The following SGIP1 variants were observed in gnomAD, a reference collection of about 807,000 sequenced individuals.
SGIP1 encodes the protein SH3-containing GRB2-like protein 3-interacting protein 1.
SGIP1 carries 38 observed loss-of-function variants against 107.5 expected under a neutral mutation model. The ratio of observed to expected loss-of-function variants is 0.35; its 90% CI spans 0.27 to 0.46. SGIP1 has a LOEUF of 0.46. Among genes scored for constraint, SGIP1 ranks in the 20% least tolerant of loss-of-function variants. SGIP1 has a pLI of 1.00. For missense variants in SGIP1, 929 were observed against 1,019.5 expected (o/e 0.91, Z 1.21); for synonymous variants, 365 against 366.1 (o/e 1.00, Z 0.03).
chr1:66,662,772 C>T (rs1481139124), intron 8 of SGIP1, among the ~76,000 whole-genome samples: 4 of 152,018 alleles, frequency 2.6e-5, no homozygotes, highest in African/African-American at 4.8e-5. Flanking sequence ...AAATGTTTTC[C>T]GCATTGGAAG....
Position 66,747,386 on chromosome 1 carries a change from A to AT in SGIP1, c.*4298dup, listed in dbSNP as rs201622821. The AT allele has an allele frequency of 2.0e-5, 3 of 152,008 alleles. No homozygotes were observed. Among genetic ancestry groups the AT allele is most frequent in the East Asian group, 1.9e-4 (1 of 5,180 alleles). The allele number at this position is 152,008 out of a possible 1,614,324, so 9.4% of individuals were successfully genotyped here. A position where few individuals can be genotyped will look rare whatever the true frequency, so the allele number is the denominator to read the frequency against. ...ACTTAATTTCCTCCAATCTTAAAAA[A>AT]TTTTTTTCCCTAGGAAAATCCCTAT... On this transcript the variant is annotated 3_prime_UTR_variant, in exon 25 of 25. Transcript: ENST00000371037.
chr1:66,543,704 G>A (rs1291443873), intron 1 of SGIP1, among the ~76,000 whole-genome samples: 3 of 152,138 alleles, frequency 2.0e-5, no homozygotes. Flanking sequence ...GGGGGGAAGG[G>A]CCAGGACTTG....
At chr1:66,558,500 A>G (rs138376964) in intron 1 of SGIP1, among the ~76,000 whole-genome samples, 6 of 152,104 alleles carry the variant, frequency 3.9e-5, no homozygotes, top group Admixed American at 3.9e-4. Flanking sequence ...TACTGAAAGT[A>G]TATAATACTA....
chr1:66,691,937 G>A (rs1428972039), intron 17 of SGIP1, among the ~76,000 whole-genome samples: 8 of 152,140 alleles, frequency 5.3e-5, no homozygotes. Context: ...GAGGCGGGCA[G>A]ATCACAAGGT....
At chr1:66,623,949 C>T (rs1399082617) in intron 1 of SGIP1, among the ~76,000 whole-genome samples, 1 of 152,174 alleles carries the variant, frequency 6.6e-6, no homozygotes, top group African/African-American at 2.4e-5. Flanking sequence ...GTGGTCAAAA[C>T]CAGCACAGGG....
chr1:66,692,366 AG>A (rs1428916040), intron 17 of SGIP1, among the ~76,000 whole-genome samples: 1 of 152,112 alleles, frequency 6.6e-6, no homozygotes, highest in Non-Finnish European at 1.5e-5. Context: ...TTCATTACTA[AG>A]GAGCATACTG....
intron 8 of SGIP1, among the ~76,000 whole-genome samples, chr1:66,663,927 CTT>C (rs2082021254): frequency 6.6e-6 from 1 of 152,112 alleles, no homozygotes; most frequent in South Asian, 2.1e-4. Flanking sequence ...ACCGCAATTA[CTT>C]TTGCACCTAC....
intron 15 of SGIP1, among the ~76,000 whole-genome samples, chr1:66,684,761 T>C (rs1267988927): frequency 6.6e-6 from 1 of 152,208 alleles, no homozygotes; most frequent in African/African-American, 2.4e-5. Context: ...ACTGATCTAA[T>C]TAGGAAGAAA....
At chr1:66,633,816 G>A (rs1462672371) in intron 3 of SGIP1, among the ~76,000 whole-genome samples, 7 of 148,784 alleles carry the variant, frequency 4.7e-5, no homozygotes, top group Non-Finnish European at 1.0e-4. Context: ...AAAAAAAAAT[G>A]GACTTACATT....
chr1:66,657,953 A>G (rs1301134426), intron 7 of SGIP1, among the ~76,000 whole-genome samples: 2 of 152,114 alleles, frequency 1.3e-5, no homozygotes, highest in Non-Finnish European at 1.5e-5. Context: ...GTTTTTTTCA[A>G]CATTCTGAAG....
chr1:66,633,166 CT>C (rs978610178), intron 3 of SGIP1, 72 bp downstream of exon 3: 775 of 1,016,284 alleles, frequency 7.6e-4, no homozygotes, highest in Middle Eastern at 1.1e-3. Flanking sequence ...TCTCAAAGCC[CT>C]TTTTTTTTCC....
At position 66,679,723 on chromosome 1, in the gene SGIP1, G is replaced by T. The variant is rs539336866; in HGVS notation, c.785G>T (p.Arg262Leu). The change falls in exon 14 of 25, where the codon CGA (arginine) becomes CTA (leucine). Residue 262 changes from arginine to leucine, a missense_variant. Coordinates refer to ENST00000371037, the MANE Select transcript of SGIP1 (RefSeq NM_032291.4). Reference sequence around the variant, plus strand: ...AAAAATGTACCAGCTACCCCACCCCGAACAGGATCCCCCTTAACAATTGGA... The same window carrying T: ...AAAAATGTACCAGCTACCCCACCCCTAACAGGATCCCCCTTAACAATTGGA... ...PPKNVPATPP[R>L]TGSPLTIGPG... 6.2e-7 allele frequency: 1 copy of T among 1,604,200 alleles called. No individual in the cohort carries two copies. Among genetic ancestry groups the T allele is most frequent in the African/African-American group, 1.3e-5 (1 of 74,242 alleles).
chr1:66,578,327 A>G (rs1197921337), intron 1 of SGIP1, among the ~76,000 whole-genome samples: 1 of 152,166 alleles, frequency 6.6e-6, no homozygotes, highest in Non-Finnish European at 1.5e-5. Flanking sequence ...GGATGTAGGA[A>G]CTGGGGTGAA....
chr1:66,609,256 T>G (rs1195672200), intron 1 of SGIP1, among the ~76,000 whole-genome samples: 1 of 152,204 alleles, frequency 6.6e-6, no homozygotes, highest in Non-Finnish European at 1.5e-5. Context: ...AATGAAGTCT[T>G]AAGTGAAATT....
chr1:66,685,047 G>A (rs997611376), intron 15 of SGIP1, among the ~76,000 whole-genome samples: 2 of 152,104 alleles, frequency 1.3e-5, no homozygotes, highest in African/African-American at 4.8e-5. Context: ...ATCTTTTATT[G>A]GTGGAACATA....
intron 1 of SGIP1, among the ~76,000 whole-genome samples, chr1:66,538,695 T>C (rs779824722): frequency 6.6e-6 from 1 of 152,184 alleles, no homozygotes; most frequent in Non-Finnish European, 1.5e-5. Flanking sequence ...ATACAAATAA[T>C]AGAGTCTCAC....
chr1:66,672,075 A>G, intron 11 of SGIP1, 80 bp downstream of exon 11: 1 of 1,312,676 alleles, frequency 7.6e-7, no homozygotes, highest in Non-Finnish European at 1.1e-6. Flanking sequence ...CTTTGAGCTA[A>G]ACTCTCAGCT....
At chr1:66,575,334 C>T (rs554947313) in intron 1 of SGIP1, among the ~76,000 whole-genome samples, 10 of 152,162 alleles carry the variant, frequency 6.6e-5, no homozygotes, top group African/African-American at 2.2e-4. Context: ...TCTACAAGAC[C>T]CCATTTCATT....
chr1:66,658,986 A>T (rs1210660934), intron 7 of SGIP1, among the ~76,000 whole-genome samples: 1 of 152,192 alleles, frequency 6.6e-6, no homozygotes, highest in Non-Finnish European at 1.5e-5. Context: ...TGCACGGCAC[A>T]TCCAAGAGAG....
Sources: allele counts gnomAD v4.1 joint callset (sites outside exome capture counted in the v4.1 genomes callset), GRCh38; gene constraint gnomAD v4.1.1; transcripts MANE v1.5; gene names NCBI Gene and HGNC (gene_info 2026-07-23, HGNC 2026-07-21).